The following GULP1 variants were observed in gnomAD, a reference collection of about 807,000 sequenced individuals.
GULP1 encodes the protein GULP PTB domain containing engulfment adaptor 1.
A neutral mutation model predicts 40.9 loss-of-function variants in GULP1; 19 were observed. The observed-to-expected ratio is 0.46, with a 90% confidence interval of 0.32 to 0.68. GULP1 has a LOEUF of 0.68. GULP1 is among the 30% of genes least tolerant of loss of function. The pLI, the probability that GULP1 is intolerant of heterozygous loss-of-function variation, is 0.03. For missense variants in GULP1, 312 were observed against 362.2 expected (o/e 0.86, Z 1.12); for synonymous variants, 119 against 117.6 (o/e 1.01, Z -0.08).
chr2:188,400,923 TTG>T (rs61060931), intron 2 of GULP1, among the ~76,000 whole-genome samples: 6,745 of 139,460 alleles, frequency 0.048, 104 homozygotes, highest in African/African-American at 0.053. Flanking sequence ...AGTGGTGTGT[TTG>T]TGTGTGTGTG....
intron 1 of GULP1, among the ~76,000 whole-genome samples, chr2:188,331,996 T>C (rs2041656729): frequency 6.6e-5 from 10 of 152,136 alleles, no homozygotes; most frequent in Admixed American, 6.5e-4. Flanking sequence ...AAGGTAGAGA[T>C]TTGCAAGGAT....
intron 2 of GULP1, among the ~76,000 whole-genome samples, chr2:188,389,830 C>A (rs914380261): frequency 6.6e-6 from 1 of 152,058 alleles, no homozygotes; most frequent in Non-Finnish European, 1.5e-5. Context: ...CTCTGTATGC[C>A]TTTGCATACC....
At chr2:188,377,824 A>G (rs1387845231) in intron 1 of GULP1, among the ~76,000 whole-genome samples, 1 of 152,188 alleles carries the variant, frequency 6.6e-6, no homozygotes, top group Non-Finnish European at 1.5e-5. Flanking sequence ...TTGTAATTCA[A>G]TTTTCCTATT....
intron 7 of GULP1, among the ~76,000 whole-genome samples, chr2:188,544,927 A>C (rs1691510055): frequency 6.6e-6 from 1 of 152,040 alleles, no homozygotes; most frequent in African/African-American, 2.4e-5. Flanking sequence ...ACTCCATACC[A>C]AGACACATCA....
At chr2:188,484,208 TA>T (rs1312453677) in intron 4 of GULP1, among the ~76,000 whole-genome samples, 1 of 152,190 alleles carries the variant, frequency 6.6e-6, no homozygotes, top group Non-Finnish European at 1.5e-5. Flanking sequence ...CTGCCCAGCC[TA>T]AATTATTTTT....
At chr2:188,357,707 A>G (rs894349304) in intron 1 of GULP1, among the ~76,000 whole-genome samples, 1 of 152,172 alleles carries the variant, frequency 6.6e-6, no homozygotes, top group Admixed American at 6.5e-5. Context: ...GTATATCTAA[A>G]GGAAAGAAGA....
At chr2:188,329,908 C>T (rs2041322624) in intron 1 of GULP1, among the ~76,000 whole-genome samples, 1 of 152,054 alleles carries the variant, frequency 6.6e-6, no homozygotes, top group Non-Finnish European at 1.5e-5. Context: ...TCTGTCTTTT[C>T]TGATAGGAGA....
intron 2 of GULP1, among the ~76,000 whole-genome samples, chr2:188,421,530 C>T (rs983769157): frequency 4.6e-5 from 7 of 152,080 alleles, no homozygotes; most frequent in Non-Finnish European, 8.8e-5. Flanking sequence ...CTTTTATCAA[C>T]CTACTTTACA....
rs200930908 is a variant in GULP1, at chr2:188,443,689, TC to T, written c.-44-33969del. Among the ~76,000 whole-genome samples, 72 of 150,164 alleles carry T rather than the reference TC, an allele frequency of 4.8e-4. 3 individuals are homozygous for T. The highest frequency in any genetic ancestry group is 9.9e-4 in the Admixed American group (15 of 15,136). ...TTAAACTGAAAAAATGAATTTCTTT[TC>T]TTTTTTTTTTTTTTGAGACAGAGTC... is the stretch of plus-strand genomic sequence containing the variant. On this transcript the variant is annotated intron_variant, in intron 2 of 11. Coordinates refer to ENST00000409830, the MANE Select transcript of GULP1 (RefSeq NM_016315.4).
chr2:188,376,276 T>C (rs115544700), intron 1 of GULP1, among the ~76,000 whole-genome samples: 2,567 of 152,340 alleles, frequency 0.017, 28 homozygotes, highest in Non-Finnish European at 0.027. Context: ...TTAAATACAC[T>C]TTTAAAAACA....
At chr2:188,323,584 G>A (rs937736547) in intron 1 of GULP1, among the ~76,000 whole-genome samples, 6 of 151,874 alleles carry the variant, frequency 4.0e-5, no homozygotes, top group African/African-American at 7.3e-5. Context: ...TCCAAAAAGT[G>A]TGCAGTTAAG....
At position 188,584,148 on chromosome 2, in the gene GULP1, A is replaced by G. The variant is rs1324476163; in HGVS notation, c.610-117A>G. ...ACTATTTTTGGTCTACAAAATGGCA[A>G]ATTCTTATGATGCAACTGAAATTGT... On this transcript the variant is annotated intron_variant, in intron 9 of 11. Transcript: ENST00000409830. 18 of 683,674 alleles carry G rather than the reference A, an allele frequency of 2.6e-5. 1 individual carries two copies. In the East Asian group the frequency reaches 3.4e-4, roughly 13 times the overall value. The allele number at this position is 683,674 out of a possible 1,614,324, so 42.4% of individuals were successfully genotyped here. A position where few individuals can be genotyped will look rare whatever the true frequency, so the allele number is the denominator to read the frequency against.
chr2:188,552,290 T>G (rs1693671784), intron 7 of GULP1, among the ~76,000 whole-genome samples: 1 of 151,852 alleles, frequency 6.6e-6, no homozygotes. Flanking sequence ...TTAATATTTT[T>G]ACAGTTCCAG....
chr2:188,581,295 G>A (rs1701263116), intron 9 of GULP1, among the ~76,000 whole-genome samples: 2 of 152,048 alleles, frequency 1.3e-5, no homozygotes, highest in Non-Finnish European at 2.9e-5. Flanking sequence ...AAAACCCTCA[G>A]GAACCTTTTG....
At chr2:188,590,800 G>T (rs1231530369) in intron 11 of GULP1, 1 of 152,066 alleles carries the variant, frequency 6.6e-6, no homozygotes, top group Non-Finnish European at 1.5e-5. Flanking sequence ...AAACAAGCAT[G>T]GCAAGTTCAT....
intron 1 of GULP1, among the ~76,000 whole-genome samples, chr2:188,345,950 T>G (rs1389423657): frequency 1.3e-5 from 2 of 152,240 alleles, no homozygotes; most frequent in African/African-American, 2.4e-5. Flanking sequence ...AAGGTCTTAT[T>G]CATGCTCTTT....
At chr2:188,434,118 C>T (rs2057178908) in intron 2 of GULP1, among the ~76,000 whole-genome samples, 1 of 151,764 alleles carries the variant, frequency 6.6e-6, no homozygotes, top group Admixed American at 6.6e-5. Flanking sequence ...TCCTTAGTGT[C>T]GCATGCAGAA....
At chr2:188,401,436 G>A (rs1222394067) in intron 2 of GULP1, among the ~76,000 whole-genome samples, 1 of 152,028 alleles carries the variant, frequency 6.6e-6, no homozygotes, top group Non-Finnish European at 1.5e-5. Flanking sequence ...AAAGTACAGT[G>A]TGTTCAATGA....
intron 1 of GULP1, among the ~76,000 whole-genome samples, chr2:188,298,092 A>G (rs1313770135): frequency 6.6e-6 from 1 of 152,132 alleles, no homozygotes; most frequent in African/African-American, 2.4e-5. Context: ...TGAAGGTCAA[A>G]CTACATGTTA....
Sources: allele counts gnomAD v4.1 joint callset (sites outside exome capture counted in the v4.1 genomes callset), GRCh38; gene constraint gnomAD v4.1.1; transcripts MANE v1.5; gene names NCBI Gene and HGNC (gene_info 2026-07-23, HGNC 2026-07-21).